Variants in CCDC85A observed in about 807,000 individuals in gnomAD.
CCDC85A encodes coiled-coil domain-containing protein 85A.
In CCDC85A, 38 loss-of-function variants were observed where a neutral mutation model predicts 50.2. The ratio of observed to expected loss-of-function variants is 0.76; its 90% CI spans 0.58 to 0.99. CCDC85A has a LOEUF of 0.99. CCDC85A is among the 50% of genes least tolerant of loss of function. The pLI, the probability that CCDC85A is intolerant of heterozygous loss-of-function variation, is 0.00. For missense variants in CCDC85A, 820 were observed against 742.0 expected, an observed-to-expected ratio of 1.11 and a Z score of -1.22; for synonymous variants, 366 against 301.4, an observed-to-expected ratio of 1.21 and a Z score of -2.22.
chr2:56,263,806 C>T (rs992252637), intron 2 of CCDC85A, among the ~76,000 whole-genome samples: 1 of 152,128 alleles, frequency 6.6e-6, no homozygotes, highest in African/African-American at 2.4e-5. Flanking sequence ...TGCTTATTTC[C>T]TTTTATCTCC....
Position 56,184,470 on chromosome 2 carries a change from G to T in CCDC85A, c.-155G>T, listed in dbSNP as rs1400490351. The stretch of plus-strand genomic sequence containing the variant: ...TGGCGAGGTAGGATGGCCACCCAGC[G>T]CGACCCCCGCCGCCCCAACCCAGCG... On this transcript the variant is annotated 5_prime_UTR_variant, in exon 1 of 6. Coordinates refer to ENST00000407595, the MANE Select transcript of CCDC85A (RefSeq NM_001080433.2). 2 of 844,166 alleles carry T rather than the reference G, an allele frequency of 2.4e-6. No homozygotes were observed. The highest frequency in any genetic ancestry group is 3.1e-6 in the Non-Finnish European group (2 of 641,430). The allele number at this position is 844,166 out of a possible 1,614,324, so 52.3% of individuals were successfully genotyped here. A position where few individuals can be genotyped will look rare whatever the true frequency, so the allele number is the denominator to read the frequency against.
chr2:56,357,823 A>G (rs1277741403), intron 3 of CCDC85A, among the ~76,000 whole-genome samples: 1 of 152,158 alleles, frequency 6.6e-6, no homozygotes, highest in Non-Finnish European at 1.5e-5. Flanking sequence ...ACAGGGCACA[A>G]TACAATATGG....
intron 3 of CCDC85A, among the ~76,000 whole-genome samples, chr2:56,351,022 T>G (rs1410858152): frequency 8.8e-4 from 76 of 85,894 alleles, no homozygotes; most frequent in African/African-American, 3.2e-3. Context: ...CCCACAACAG[T>G]CCCCAGAGTG....
chr2:56,378,400 T>C (rs1676438817), intron 5 of CCDC85A, among the ~76,000 whole-genome samples: 1 of 152,230 alleles, frequency 6.6e-6, no homozygotes, highest in Non-Finnish European at 1.5e-5. Context: ...TAATTGGAGC[T>C]TTACTTCATT....
chr2:56,225,451 G>A (rs1286195088), intron 2 of CCDC85A, among the ~76,000 whole-genome samples: 1 of 152,072 alleles, frequency 6.6e-6, no homozygotes, highest in Non-Finnish European at 1.5e-5. Context: ...AACCATAAAT[G>A]TCGGGGTTTA....
chr2:56,216,017 A>G (rs1221657700), intron 2 of CCDC85A, among the ~76,000 whole-genome samples: 1 of 151,954 alleles, frequency 6.6e-6, no homozygotes, highest in Non-Finnish European at 1.5e-5. Context: ...TTTGCACTAC[A>G]GTGGCAGAGT....
At chr2:56,334,628 A>AAT (rs148663558) in intron 2 of CCDC85A, among the ~76,000 whole-genome samples, 3,135 of 152,332 alleles carry the variant, frequency 0.021, 99 homozygotes, top group African/African-American at 0.07. Flanking sequence ...AGAGCTTTGC[A>AAT]ATATCTCATT....
chr2:56,382,631 C>A (rs1236863021), intron 5 of CCDC85A, among the ~76,000 whole-genome samples: 1 of 151,962 alleles, frequency 6.6e-6, no homozygotes, highest in East Asian at 1.9e-4. Flanking sequence ...ACCTGTTATG[C>A]CTTTTTAGTT....
chr2:56,312,668 G>T (rs533459637), intron 2 of CCDC85A, among the ~76,000 whole-genome samples: 1 of 152,210 alleles, frequency 6.6e-6, no homozygotes, highest in Admixed American at 6.5e-5. Flanking sequence ...AGTCCCAGTA[G>T]GAAGACATGA....
chr2:56,204,449 G>A (rs1284160981), intron 2 of CCDC85A, among the ~76,000 whole-genome samples: 6 of 152,130 alleles, frequency 3.9e-5, no homozygotes, highest in Non-Finnish European at 5.9e-5. Flanking sequence ...TTTGTATGTT[G>A]ATAAACATAA....
At chr2:56,226,412 T>C (rs1202523938) in intron 2 of CCDC85A, among the ~76,000 whole-genome samples, 1 of 152,182 alleles carries the variant, frequency 6.6e-6, no homozygotes, top group Non-Finnish European at 1.5e-5. Context: ...GGTGGATACC[T>C]GTCCCAGATA....
chr2:56,227,402 A>C (rs1668587030), intron 2 of CCDC85A, among the ~76,000 whole-genome samples: 1 of 152,136 alleles, frequency 6.6e-6, no homozygotes, highest in African/African-American at 2.4e-5. Context: ...TTTTTTATTA[A>C]ATGATTTTAT....
chr2:56,367,563 G>C (rs953231024), intron 3 of CCDC85A, among the ~76,000 whole-genome samples: 6 of 151,992 alleles, frequency 3.9e-5, no homozygotes, highest in Admixed American at 3.3e-4. Context: ...CTTTGTGAGG[G>C]GTCTGTCCAG....
At position 56,273,965 on chromosome 2, in the gene CCDC85A, G is replaced by A. The variant is rs1293307682; in HGVS notation, c.1241-68914G>A. Among the ~76,000 whole-genome samples the A allele has an allele frequency of 2.6e-5, 4 of 152,080 alleles. No individual in the cohort carries two copies. The East Asian group carries it at 5.8e-4, about 22-fold the overall frequency. On this transcript the variant is annotated intron_variant, in intron 2 of 5. Transcript: ENST00000407595. ...TGGGCAATTGTTATCTCTATGGAAA[G>A]CCCTAAAATGATATATAAAAACTAA...
In CCDC85A at chr2:56,384,513, T is replaced by A. The variant is rs879448033; in HGVS notation, c.*158T>A. 3.4e-5 allele frequency: 20 copies of A among 591,534 alleles called. No individual in the cohort carries two copies. The highest frequency in any genetic ancestry group is 5.7e-5 in the Non-Finnish European group (19 of 333,350). 36.6% of individuals were successfully genotyped at this position (591,534 alleles called of 1,614,324 possible). A position where few individuals can be genotyped will look rare whatever the true frequency, so the allele number is the denominator to read the frequency against. ...TCCCCTCTAAAACCTGTAGTACAAC[T>A]TCTCCCCTCAAGCTGATATTCTGTG... On this transcript the variant is annotated 3_prime_UTR_variant, in exon 6 of 6. Coordinates refer to ENST00000407595, the MANE Select transcript of CCDC85A (RefSeq NM_001080433.2).
intron 2 of CCDC85A, among the ~76,000 whole-genome samples, chr2:56,278,507 A>G (rs988793562): frequency 1.3e-5 from 2 of 151,990 alleles, no homozygotes; most frequent in Admixed American, 6.6e-5. Context: ...TCATCTTATC[A>G]TTTTGTCCTT....
At chr2:56,342,626 G>A (rs996108960) in intron 2 of CCDC85A, among the ~76,000 whole-genome samples, 4 of 152,054 alleles carry the variant, frequency 2.6e-5, no homozygotes, top group African/African-American at 9.7e-5. Flanking sequence ...ATCGTCAATT[G>A]TGTGTACTAC....
chr2:56,242,770 G>A (rs1669320089), intron 2 of CCDC85A, among the ~76,000 whole-genome samples: 1 of 152,082 alleles, frequency 6.6e-6, no homozygotes, highest in Non-Finnish European at 1.5e-5. Flanking sequence ...TTAACTTGAG[G>A]TGATCTGATT....
At chr2:56,204,775 G>A (rs983831151) in intron 2 of CCDC85A, among the ~76,000 whole-genome samples, 5 of 152,180 alleles carry the variant, frequency 3.3e-5, no homozygotes, top group Non-Finnish European at 7.3e-5. Flanking sequence ...AAGAACCATT[G>A]TTCTACCTTC....
Sources: gnomAD v4.1 joint callset for allele counts (sites outside exome capture counted in the v4.1 genomes callset) on GRCh38, gnomAD v4.1.1 for gene constraint, MANE v1.5 for transcripts, NCBI Gene and HGNC (gene_info 2026-07-23, HGNC 2026-07-21) for gene names.